Variants in GALC observed in about 807,000 individuals in gnomAD.
GALC encodes galactosylceramidase, also known as galactocerebrosidase.
In GALC, 77 loss-of-function variants were observed where a neutral mutation model predicts 91.8. The observed-to-expected ratio is 0.84, with a 90% CI of 0.70 to 1.01. The LOEUF is 1.01. GALC is among the 50% of genes least tolerant of loss of function. The pLI is 0.00. For synonymous variants in GALC, 357 were observed against 306.7 expected (o/e 1.16, Z -1.71); for missense variants, 882 against 855.9 (o/e 1.03, Z -0.38).
rs1242332156 is a variant in GALC, at chr14:87,965,570, C to T, written c.968G>A (p.Gly323Glu). The change falls in exon 9 of 17, where the codon GGG becomes GAG. Residue 323 changes from glycine to glutamate, a missense_variant. Physicochemically the swap from Gly to Glu is moderately conservative, Grantham distance 98. Coordinates refer to ENST00000261304, the MANE Select transcript of GALC (RefSeq NM_000153.4). ...CCATGGCTCCTGGGCCGTCATCAACCCGCATCTCCCATAAGGCAACTGTTC... is the reference window on the plus strand; with the variant it reads ...CCATGGCTCCTGGGCCGTCATCAACTCGCATCTCCCATAAGGCAACTGTTC... ...YYEQLPYGRC[G>E]LMTAQEPWSG... is the part of the protein sequence containing the mutation. 6.2e-7 allele frequency: 1 copy of T among 1,613,404 alleles called. No homozygotes were observed. The highest frequency in any genetic ancestry group is 1.3e-5 in the African/African-American group (1 of 74,962).
chr14:87,976,418 TC>T lies in GALC; in HGVS notation c.691del (p.Glu231SerfsTer20). The part of the protein sequence containing the change: ...VKIIASDNLW[E>X]SISASMLLDA... ...AAGGAGCATGGATGCAGAGATGGACTCCCAGAGATTATCACTTGCTATGATT... is the reference window on the plus strand; with the variant it reads ...AAGGAGCATGGATGCAGAGATGGACTCCAGAGATTATCACTTGCTATGATT... On this transcript the variant is annotated frameshift_variant, in exon 7 of 17. Coordinates refer to ENST00000261304, the MANE Select transcript of GALC (RefSeq NM_000153.4). LOFTEE classifies it high-confidence loss of function. 1 of 1,613,662 alleles carries T rather than the reference TC, an allele frequency of 6.2e-7. No individual in the cohort carries two copies. The highest frequency in any genetic ancestry group is 8.5e-7 in the Non-Finnish European group (1 of 1,179,560).
At chr14:87,992,554 G>T (rs771913582) in intron 1 of GALC, 6 of 1,508,704 alleles carry the variant, frequency 4.0e-6, no homozygotes, top group Non-Finnish European at 3.5e-6. Flanking sequence ...CCACTGGGGC[G>T]TTCTCTTTCG....
At chr14:87,964,132 T>C (rs1885930335) in intron 9 of GALC, among the ~76,000 whole-genome samples, 1 of 152,120 alleles carries the variant, frequency 6.6e-6, no homozygotes, top group Non-Finnish European at 1.5e-5. Flanking sequence ...AAGTCCAATA[T>C]ACAAGTCTAA....
intron 8 of GALC, among the ~76,000 whole-genome samples, chr14:87,967,034 A>T (rs1471249278): frequency 6.6e-6 from 1 of 152,196 alleles, no homozygotes; most frequent in Non-Finnish European, 1.5e-5. Flanking sequence ...GGCAGCTGCC[A>T]AGGAGAAGGT....
chr14:87,952,409 T>C (rs1885349403), intron 10 of GALC: 1 of 414,226 alleles, frequency 2.4e-6, no homozygotes, highest in African/African-American at 2.0e-5. Context: ...ACTAATGTTG[T>C]TCTAAAAAAT....
rs185826099 is a variant in GALC at position 87,957,282 on chromosome 14, G to C, written c.1161+6102C>G. Among the ~76,000 whole-genome samples the C allele has an allele frequency of 2.7e-4, 41 of 152,008 alleles. No homozygotes were observed. The East Asian group carries it at 6.9e-3, about 26-fold the overall frequency. On this transcript the variant is annotated intron_variant, in intron 10 of 16. Coordinates refer to ENST00000261304, the MANE Select transcript of GALC (RefSeq NM_000153.4). The stretch of plus-strand genomic sequence containing the variant: ...AATTAGGTCCCATTTATTTATTTTG[G>C]TTTTGTTGCATTTGCTTTTGGGGTC...
chr14:87,978,475 T>C (rs77282353), intron 6 of GALC, among the ~76,000 whole-genome samples: 1 of 152,182 alleles, frequency 6.6e-6, no homozygotes, highest in Non-Finnish European at 1.5e-5. Flanking sequence ...TTTTTATACA[T>C]TGTATTTGAA....
At chr14:87,962,467 T>C (rs765913433) in intron 10 of GALC, among the ~76,000 whole-genome samples, 1 of 152,136 alleles carries the variant, frequency 6.6e-6, no homozygotes, top group African/African-American at 2.4e-5. Flanking sequence ...GAATATTTAC[T>C]GTTTGTCCTG....
intron 4 of GALC, 45 bp from the exon 5 acceptor site, chr14:87,984,578 T>C (rs1290823248): frequency 6.2e-7 from 1 of 1,610,260 alleles, no homozygotes; most frequent in Non-Finnish European, 8.5e-7. Context: ...GGTATAACGG[T>C]GCTGGCGCTA....
Position 87,969,590 on chromosome 14 carries a change from T to C in GALC, c.753-1100A>G, listed in dbSNP as rs112697865. 2.9e-3 allele frequency among the ~76,000 whole-genome samples: 437 copies of C among 152,318 alleles called. 1 individual carries two copies. The highest frequency in any genetic ancestry group is 0.01 in the African/African-American group (416 of 41,576). On this transcript the variant is annotated intron_variant, in intron 7 of 16. Transcript: ENST00000261304. Reference sequence around the variant, plus strand: ...GGAATAAGAGCATCTACTTTTTAGTTTAAAAATTATTTACAAAAAACAATG... The same window carrying C: ...GGAATAAGAGCATCTACTTTTTAGTCTAAAAATTATTTACAAAAAACAATG...
intron 10 of GALC, chr14:87,953,836 T>C (rs1566979634): frequency 6.2e-7 from 1 of 1,609,786 alleles, no homozygotes; most frequent in East Asian, 2.2e-5. Flanking sequence ...GTCATGGTGC[T>C]ATCTCCATGT....
intron 11 of GALC, 52 bp from the exon 12 acceptor site, chr14:87,949,983 T>C: frequency 2.2e-6 from 2 of 901,554 alleles, no homozygotes; most frequent in Admixed American, 1.7e-5. Context: ...ACATCCTCTT[T>C]GAGGATTTCC....
intron 10 of GALC, chr14:87,954,861 A>G (rs773471688): frequency 9.3e-6 from 15 of 1,604,712 alleles, no homozygotes; most frequent in Non-Finnish European, 1.1e-5. Context: ...GCTGCTTGCC[A>G]TTTACTATGA....
At chr14:87,956,894 C>T (rs950157305) in intron 10 of GALC, among the ~76,000 whole-genome samples, 5 of 151,902 alleles carry the variant, frequency 3.3e-5, no homozygotes, top group African/African-American at 1.2e-4. Flanking sequence ...AGTGGATAAG[C>T]ATTCTCTTTT....
At chr14:87,987,003 C>T in intron 3 of GALC, 1 of 452,124 alleles carries the variant, frequency 2.2e-6, no homozygotes, top group Admixed American at 2.4e-5. Context: ...GGATATGAAT[C>T]CCTGGACTCG....
upstream of GALC, chr14:87,993,540 A>C (rs2139771212): frequency 2.9e-6 from 4 of 1,392,850 alleles, no homozygotes; most frequent in Non-Finnish European, 3.9e-6. Context: ...AGGCTTGGAC[A>C]CCAGGTCCCG....
chr14:87,953,384 A>G lies in GALC; in HGVS notation c.1162-2636T>C, dbSNP rs541415800. 2.2e-5 allele frequency: 32 copies of G among 1,426,416 alleles called. No individual in the cohort carries two copies. The African/African-American group carries it at 3.8e-4, about 17-fold the overall frequency. 88.4% of individuals were successfully genotyped at this position (1,426,416 alleles called of 1,614,324 possible). A position where few individuals can be genotyped will look rare whatever the true frequency, so the allele number is the denominator to read the frequency against. On this transcript the variant is annotated intron_variant, in intron 10 of 16. Coordinates refer to ENST00000261304, the MANE Select transcript of GALC (RefSeq NM_000153.4). ...TCCATTCAACTTGATGATTTTACAG[A>G]AGCATATGAAAGTGGACAAAACCAA...
chr14:87,976,851 T>A, intron 6 of GALC: 1 of 262,234 alleles, frequency 3.8e-6, no homozygotes, highest in East Asian at 9.5e-5. Context: ...CCTGACCTCA[T>A]GGATGATAAT....
intron 8 of GALC, among the ~76,000 whole-genome samples, chr14:87,966,500 T>G (rs1320328566): frequency 6.7e-6 from 1 of 149,314 alleles, no homozygotes; most frequent in Admixed American, 6.7e-5. Context: ...CCTCATCCAG[T>G]ATAAAAAAAA....
Sources: gnomAD v4.1 joint callset for allele counts (sites outside exome capture counted in the v4.1 genomes callset) on GRCh38, gnomAD v4.1.1 for gene constraint, MANE v1.5 for transcripts, NCBI Gene and HGNC (gene_info 2026-07-23, HGNC 2026-07-21) for gene names.